Variants in NRROS observed in about 807,000 individuals in gnomAD.
The protein encoded by NRROS is negative regulator of reactive oxygen species, also known as transforming growth factor beta activator LRRC33.
In NRROS, 6 loss-of-function variants were observed where a neutral mutation model predicts 12.0. The ratio of observed to expected loss-of-function variants is 0.50; its 90% CI spans 0.27 to 0.98. The LOEUF (loss-of-function observed/expected upper bound fraction) is 0.98, where lower values mean the gene tolerates loss of function less well. Among genes scored for constraint, NRROS ranks in the 50% least tolerant of loss-of-function variants. NRROS has a pLI of 0.11. For synonymous variants in NRROS, 462 were observed against 410.2 expected, an observed-to-expected ratio of 1.13 and a Z score of -1.53; for missense variants, 857 against 888.2, an observed-to-expected ratio of 0.96 and a Z score of 0.45.
intron 1 of NRROS, among the ~76,000 whole-genome samples, chr3:196,647,540 A>G (rs1314359488): frequency 3.3e-5 from 5 of 152,198 alleles, no homozygotes; most frequent in African/African-American, 4.8e-5. Flanking sequence ...AATTTACCAA[A>G]GATCACAATC....
intron 1 of NRROS, among the ~76,000 whole-genome samples, chr3:196,643,140 A>G (rs1737241106): frequency 6.6e-6 from 1 of 152,090 alleles, no homozygotes; most frequent in South Asian, 2.1e-4. Context: ...AACATTTTCT[A>G]AAGAAAAAAA....
At chr3:196,641,485 G>T (rs1577626228) in intron 1 of NRROS, among the ~76,000 whole-genome samples, 2 of 152,178 alleles carry the variant, frequency 1.3e-5, no homozygotes, top group Non-Finnish European at 2.9e-5. Flanking sequence ...AAAGTGCTGG[G>T]AGTGTGGGCG....
At position 196,660,237 on chromosome 3, in the gene NRROS, C is replaced by T. The variant is rs536390832; in HGVS notation, c.594C>T (p.Gly198=). The change falls in exon 3 of 3, where the codon GGC becomes GGT. Residue 198 remains glycine, a synonymous_variant. Coordinates refer to ENST00000328557, the MANE Select transcript of NRROS (RefSeq NM_198565.3). The surrounding 1 kb of genome is among the most constrained non-coding windows in gnomAD (Gnocchi z 7.7). ...LQRNYIFEIE[G]GAFDGLAELR... Reference sequence around the variant, plus strand: ...GGAACTACATCTTCGAGATCGAGGGCGGCGCTTTCGACGGCCTGGCTGAGC... The same window carrying T: ...GGAACTACATCTTCGAGATCGAGGGTGGCGCTTTCGACGGCCTGGCTGAGC... 26 of 1,613,718 alleles carry T rather than the reference C, an allele frequency of 1.6e-5. No homozygotes were observed. In the East Asian group the frequency reaches 5.6e-4, roughly 35 times the overall value.
chr3:196,642,408 C>A (rs1459456173), intron 1 of NRROS, among the ~76,000 whole-genome samples: 1 of 152,150 alleles, frequency 6.6e-6, no homozygotes, highest in Non-Finnish European at 1.5e-5. Flanking sequence ...TGTCTCCTTT[C>A]CTCAGCTTTG....
In NRROS at chr3:196,660,909, C is replaced by T. The variant is rs766563090; in HGVS notation, c.1266C>T (p.Phe422=). ...TCCTGGGCGTCCCCCCTGGCCTCTT[C>T]GCCAATGCTAGGAACATCACTACAC... ...NQLLGVPPGL[F]ANARNITTLD... Residue 422 remains phenylalanine (F), a synonymous_variant, in exon 3 of 3, where the codon TTC becomes TTT. Transcript: ENST00000328557. This position sits in a 1 kb window ranked among gnomAD's most constrained non-coding sequence, Gnocchi z 7.7. 13 of 1,614,064 alleles carry T rather than the reference C, an allele frequency of 8.1e-6. No homozygotes were observed. Among genetic ancestry groups the T allele is most frequent in the African/African-American group, 4.0e-5 (3 of 74,944 alleles).
chr3:196,653,672 G>A (rs574340957), intron 1 of NRROS, among the ~76,000 whole-genome samples: 140 of 152,340 alleles, frequency 9.2e-4, no homozygotes, highest in African/African-American at 3.0e-3. Flanking sequence ...GGAGCGAGGC[G>A]GGGCTGCTCT....
chr3:196,655,961 A>G lies in NRROS; in HGVS notation c.108+1314A>G, dbSNP rs184632111. Reference sequence around the variant, plus strand: ...GCCGAGGCGGGCAGATCACAAGGTCAAGAGGTCGAGACCAGCCTGGCCAAC... The same window carrying G: ...GCCGAGGCGGGCAGATCACAAGGTCGAGAGGTCGAGACCAGCCTGGCCAAC... On this transcript the variant is annotated intron_variant, in intron 2 of 2. Coordinates refer to ENST00000328557, the MANE Select transcript of NRROS (RefSeq NM_198565.3). 5.6e-3 allele frequency among the ~76,000 whole-genome samples: 859 copies of G among 152,318 alleles called. 3 individuals are homozygous for G. Among genetic ancestry groups the G allele is most frequent in the Non-Finnish European group, 7.0e-3 (478 of 68,022 alleles).
chr3:196,661,772 TTTC>T lies in NRROS; in HGVS notation c.*52_*54del. 6.9e-7 allele frequency: 1 copy of T among 1,457,590 alleles called. No individual in the cohort carries two copies. Among genetic ancestry groups the T allele is most frequent in the South Asian group, 1.3e-5 (1 of 75,830 alleles). The allele number at this position is 1,457,590 out of a possible 1,614,324, so 90.3% of individuals were successfully genotyped here. ...ATTCGGTCCGCACACAACAGGACACTTTCTCTGCCAGCTTTCAAGATGTGATGC... is the reference window on the plus strand; with the variant it reads ...ATTCGGTCCGCACACAACAGGACACTTCTGCCAGCTTTCAAGATGTGATGC... On this transcript the variant is annotated 3_prime_UTR_variant, in exon 3 of 3. Coordinates refer to ENST00000328557, the MANE Select transcript of NRROS (RefSeq NM_198565.3).
chr3:196,641,452 C>T (rs1196331412), intron 1 of NRROS, among the ~76,000 whole-genome samples: 1 of 152,004 alleles, frequency 6.6e-6, no homozygotes, highest in Admixed American at 6.5e-5. Context: ...TGGGCTCAAG[C>T]AATCCTCCTG....
At chr3:196,647,826 T>C (rs1387699327) in intron 1 of NRROS, among the ~76,000 whole-genome samples, 1 of 152,234 alleles carries the variant, frequency 6.6e-6, no homozygotes, top group Non-Finnish European at 1.5e-5. Flanking sequence ...CCCAAAGTGC[T>C]GGGATTACAA....
intron 1 of NRROS, among the ~76,000 whole-genome samples, chr3:196,650,188 C>T (rs553690171): frequency 1.0e-3 from 157 of 152,354 alleles, no homozygotes; most frequent in Non-Finnish European, 1.5e-3. Flanking sequence ...CGCTCTGCTG[C>T]CCAGGTTGGA....
intron 2 of NRROS, among the ~76,000 whole-genome samples, chr3:196,655,864 A>C (rs1387101173): frequency 1.3e-5 from 2 of 152,198 alleles, no homozygotes; most frequent in African/African-American, 2.4e-5. Context: ...CAATGATATC[A>C]AAAGTCTGCT....
intron 1 of NRROS, among the ~76,000 whole-genome samples, chr3:196,645,760 A>G (rs1271112006): frequency 6.6e-6 from 1 of 152,150 alleles, no homozygotes; most frequent in Non-Finnish European, 1.5e-5. Context: ...AGCCGCTGTC[A>G]TCACCCATAA....
Position 196,661,599 on chromosome 3 carries a change from C to T in NRROS, c.1956C>T (p.Tyr652=). 2 of 1,613,700 alleles carry T rather than the reference C, an allele frequency of 1.2e-6. No individual in the cohort carries two copies. Among genetic ancestry groups the T allele is most frequent in the Non-Finnish European group, 8.5e-7 (1 of 1,180,010 alleles). ...KWERLDLGLL[Y]LVLILPSCLT... ...AGCGGCTGGACCTGGGCCTGCTCTA[C>T]CTCGTGCTCATCCTCCCCAGCTGCC... The change falls in exon 3 of 3, where the codon TAC becomes TAT. Residue 652 remains tyrosine (Y), a synonymous_variant. Coordinates refer to ENST00000328557, the MANE Select transcript of NRROS (RefSeq NM_198565.3).
At chr3:196,656,846 G>A (rs1577634665) in intron 2 of NRROS, among the ~76,000 whole-genome samples, 1 of 152,242 alleles carries the variant, frequency 6.6e-6, no homozygotes, top group Non-Finnish European at 1.5e-5. Context: ...GTTGAGGACT[G>A]AGAATTGGAG....
rs1476142872 is a variant in NRROS, at chr3:196,661,527, C to T, written c.1884C>T (p.Ile628=). 1 of 1,613,704 alleles carries T rather than the reference C, an allele frequency of 6.2e-7. No individual in the cohort carries two copies. The highest frequency in any genetic ancestry group is 8.5e-7 in the Non-Finnish European group (1 of 1,179,736). Residue 628 remains isoleucine (I), a synonymous_variant, in exon 3 of 3, where the codon ATC becomes ATT. Transcript: ENST00000328557. ...CCTGCAACCTCTCCTCCAAGATCAT[C>T]CGCGTGACGGAGCTGCCCGGAGGTG... ...MVTCNLSSKI[I]RVTELPGGVP...
intron 1 of NRROS, among the ~76,000 whole-genome samples, chr3:196,652,796 C>T (rs1737455371): frequency 6.6e-6 from 1 of 152,164 alleles, no homozygotes; most frequent in African/African-American, 2.4e-5. Context: ...CTTCGATACG[C>T]AGGGCTGGCT....
At chr3:196,657,446 G>A (rs1737562325) in intron 2 of NRROS, among the ~76,000 whole-genome samples, 1 of 152,148 alleles carries the variant, frequency 6.6e-6, no homozygotes, top group East Asian at 1.9e-4. Flanking sequence ...ACCTGGCCGG[G>A]CGCGGTGGCT....
At chr3:196,640,282 A>G (rs1388078030) in intron 1 of NRROS, among the ~76,000 whole-genome samples, 1 of 152,146 alleles carries the variant, frequency 6.6e-6, no homozygotes, top group African/African-American at 2.4e-5. Flanking sequence ...ACTGGATATG[A>G]TGAGACCGCT....
Sources: allele counts gnomAD v4.1 joint callset (sites outside exome capture counted in the v4.1 genomes callset), GRCh38; gene constraint gnomAD v4.1.1; non-coding constraint Gnocchi (gnomAD v3.1); transcripts MANE v1.5; gene names NCBI Gene and HGNC (gene_info 2026-07-23, HGNC 2026-07-21).